Variants in SEPTIN10 observed in about 807,000 individuals in gnomAD.
SEPTIN10 encodes septin-10.
A neutral mutation model predicts 54.8 loss-of-function variants in SEPTIN10; 66 were observed. That is an observed-to-expected ratio of 1.21 (90% CI 0.99 to 1.48). SEPTIN10 has a LOEUF of 1.48. Ranked by LOEUF, SEPTIN10 falls within the 40% of genes most tolerant of loss-of-function variation. The pLI, the probability that SEPTIN10 is intolerant of heterozygous loss-of-function variation, is 0.00. For synonymous variants in SEPTIN10, 161 were observed against 181.0 expected (o/e 0.89, Z 0.89); for missense variants, 620 against 545.6 (o/e 1.14, Z -1.36).
intron 5 of SEPTIN10, among the ~76,000 whole-genome samples, chr2:109,573,909 C>T (rs1297778381): frequency 1.3e-5 from 2 of 152,220 alleles, no homozygotes; most frequent in African/African-American, 2.4e-5. Context: ...ATATCTAATG[C>T]AACATTAGAC....
chr2:109,570,797 C>T (rs1688188042), intron 5 of SEPTIN10, among the ~76,000 whole-genome samples: 1 of 152,124 alleles, frequency 6.6e-6, no homozygotes, highest in South Asian at 2.1e-4. Flanking sequence ...GCTGGGATTA[C>T]AAGCATGGGC....
At chr2:109,558,210 C>A (rs563633297) in intron 8 of SEPTIN10, among the ~76,000 whole-genome samples, 1 of 152,084 alleles carries the variant, frequency 6.6e-6, no homozygotes, top group Non-Finnish European at 1.5e-5. Flanking sequence ...AAGAAAAGTC[C>A]TTTCCTTCAA....
In SEPTIN10 at chr2:109,546,171, T is replaced by C; in HGVS notation, c.1228A>G (p.Arg410Gly). 1 of 1,609,986 alleles carries C rather than the reference T, an allele frequency of 6.2e-7. No homozygotes were observed. The highest frequency in any genetic ancestry group is 8.5e-7 in the Non-Finnish European group (1 of 1,178,568). ...QEERMKLEEK[R>G]RLLEEEIIAF... ...ATTATTTCTTCTTCCAAAAGTCTTC[T>C]CTTTTCTTCAAGCTTCATTCTCTCT... The change falls in exon 10 of 11, where the codon AGA becomes GGA. Residue 410 changes from arginine to glycine, a missense_variant. By Grantham distance (125) the Arg-to-Gly change is moderately radical. Coordinates refer to ENST00000397712, the MANE Select transcript of SEPTIN10 (RefSeq NM_144710.5).
In SEPTIN10 at chr2:109,567,374, T is replaced by C. The variant is rs1015778020; in HGVS notation, c.762+441A>G. On this transcript the variant is annotated intron_variant, in intron 6 of 10. Coordinates refer to ENST00000397712, the MANE Select transcript of SEPTIN10 (RefSeq NM_144710.5). The stretch of plus-strand genomic sequence containing the variant: ...TTCCATTGTACTAAACTAAAAGTTA[T>C]ATGAATGTAACTTGACACTATGAGA... 2.0e-5 allele frequency among the ~76,000 whole-genome samples: 3 copies of C among 152,212 alleles called. 1 individual carries two copies. The South Asian group carries it at 6.2e-4, about 31-fold the overall frequency.
At chr2:109,569,850 AGAG>A (rs1366223829) in intron 5 of SEPTIN10, among the ~76,000 whole-genome samples, 5 of 152,304 alleles carry the variant, frequency 3.3e-5, no homozygotes, top group East Asian at 1.9e-4. Flanking sequence ...CAATGGCGTA[AGAG>A]AAGATAACTT....
At chr2:109,544,349 T>A in intron 10 of SEPTIN10, 25 bp from the exon 11 acceptor site, 1 of 1,564,888 alleles carries the variant, frequency 6.4e-7, no homozygotes, top group Non-Finnish European at 8.6e-7. Flanking sequence ...AACCTTTTGA[T>A]TGGTACAATT....
rs575643592 is a variant in SEPTIN10, at chr2:109,561,560, T to C, written c.1028+2806A>G. On this transcript the variant is annotated intron_variant, in intron 8 of 10. Coordinates refer to ENST00000397712, the MANE Select transcript of SEPTIN10 (RefSeq NM_144710.5). ...TTCACTGCTGACTCCCAAATTACTA[T>C]GGCAGCCCTAACTTCTCCCTAGCTC... Among the ~76,000 whole-genome samples the C allele has an allele frequency of 2.1e-4, 32 of 152,346 alleles. No homozygotes were observed. In the South Asian group the frequency reaches 6.2e-3, roughly 30 times the overall value.
chr2:109,589,297 C>G (rs1221947300), intron 2 of SEPTIN10, among the ~76,000 whole-genome samples: 2 of 152,084 alleles, frequency 1.3e-5, no homozygotes, highest in Non-Finnish European at 2.9e-5. Flanking sequence ...CTTTAGGAGG[C>G]CAAGGCAGGC....
At chr2:109,593,825 G>A (rs1466817173) in intron 1 of SEPTIN10, among the ~76,000 whole-genome samples, 1 of 152,166 alleles carries the variant, frequency 6.6e-6, no homozygotes, top group Non-Finnish European at 1.5e-5. Flanking sequence ...GGTGGGGAAA[G>A]CAGGGATTTT....
At chr2:109,604,965 TCAGC>T (rs925715140) in intron 1 of SEPTIN10, 7 of 151,912 alleles carry the variant, frequency 4.6e-5, no homozygotes, top group African/African-American at 1.7e-4. Context: ...AGGAGAGGAA[TCAGC>T]ACAGGTTTGA....
chr2:109,609,615 CA>C (rs59667245), intron 1 of SEPTIN10, among the ~76,000 whole-genome samples: 57,677 of 97,692 alleles, frequency 0.59, 13,750 homozygotes, highest in African/African-American at 0.69. Flanking sequence ...GACTCCGCCT[CA>C]AAAAAAAAAA....
At position 109,574,767 on chromosome 2, in the gene SEPTIN10, G is replaced by A. The variant is rs1689274566; in HGVS notation, c.414C>T (p.Ser138=). ...CTATGTAGTCAACTATTGGTTGGTA[G>A]CTGAAAAATTATTTAAATGTTTAAT... The part of the protein sequence containing the change: ...GFGDQINKEE[S]YQPIVDYIDA... Residue 138 remains serine, a splice_region_variant and synonymous_variant, in exon 5 of 11, where the codon AGC becomes AGT. Coordinates refer to ENST00000397712, the MANE Select transcript of SEPTIN10 (RefSeq NM_144710.5). 3.8e-6 allele frequency: 6 copies of A among 1,563,716 alleles called. No homozygotes were observed. In the African/African-American group the frequency reaches 4.1e-5, roughly 11 times the overall value.
chr2:109,555,098 C>T (rs953707721), intron 8 of SEPTIN10, among the ~76,000 whole-genome samples: 1 of 152,104 alleles, frequency 6.6e-6, no homozygotes, highest in African/African-American at 2.4e-5. Flanking sequence ...TCTAGTTCCT[C>T]TTTCTTTCAC....
At chr2:109,581,652 T>C (rs1371024099) in intron 4 of SEPTIN10, among the ~76,000 whole-genome samples, 1 of 152,174 alleles carries the variant, frequency 6.6e-6, no homozygotes, top group African/African-American at 2.4e-5. Context: ...CAGAATCGTA[T>C]TTATATACTG....
rs183876877 is a variant in SEPTIN10 at position 109,595,264 on chromosome 2, C to T, written c.31-2145G>A. 5.9e-5 allele frequency among the ~76,000 whole-genome samples: 9 copies of T among 152,304 alleles called. 1 individual carries two copies. Among genetic ancestry groups the T allele is most frequent in the Admixed American group, 3.3e-4 (5 of 15,300 alleles). On this transcript the variant is annotated intron_variant, in intron 1 of 10. Coordinates refer to ENST00000397712, the MANE Select transcript of SEPTIN10 (RefSeq NM_144710.5). ...TGGAAGATGCTCCTATTTAAAAGCA[C>T]GCAAAAGCTCAGTGAGGGACACAAC... is the stretch of plus-strand genomic sequence containing the variant.
Position 109,564,391 on chromosome 2 carries a change from C to T in SEPTIN10, c.1003G>A (p.Val335Met), listed in dbSNP as rs774587897. 6.3e-7 allele frequency: 1 copy of T among 1,582,788 alleles called. No homozygotes were observed. The highest frequency in any genetic ancestry group is 8.6e-7 in the Non-Finnish European group (1 of 1,161,278). ...CKLEEMGFTD[V>M]GPENKPVSVQ... Reference sequence around the variant, plus strand: ...CTGACTGGCTTGTTTTCTGGGCCCACATCTGTAAAGCCCATTTCCTCCAGT... The same window carrying T: ...CTGACTGGCTTGTTTTCTGGGCCCATATCTGTAAAGCCCATTTCCTCCAGT... The change falls in exon 8 of 11, where the codon GTG becomes ATG. Residue 335 changes from valine (V) to methionine (M), a missense_variant. Transcript: ENST00000397712.
chr2:109,599,853 A>G (rs1261929302), intron 1 of SEPTIN10, among the ~76,000 whole-genome samples: 2 of 152,188 alleles, frequency 1.3e-5, no homozygotes, highest in African/African-American at 4.8e-5. Flanking sequence ...TTATAGAAAA[A>G]ATATCATTTC....
chr2:109,588,850 T>TAAAAAAAA (rs59135205), intron 2 of SEPTIN10, among the ~76,000 whole-genome samples: 2 of 111,444 alleles, frequency 1.8e-5, no homozygotes, highest in Non-Finnish European at 3.6e-5. Flanking sequence ...CAATTACTAT[T>TAAAAAAAA]AAAAAAAAAA....
At chr2:109,613,033 T>C (rs990003192) in intron 1 of SEPTIN10, 1 of 532,552 alleles carries the variant, frequency 1.9e-6, no homozygotes, top group Non-Finnish European at 3.4e-6. Context: ...ATGTTTACTA[T>C]CAAAAATTAA....
Sources: gnomAD v4.1 joint callset for allele counts (sites outside exome capture counted in the v4.1 genomes callset) on GRCh38, gnomAD v4.1.1 for gene constraint, MANE v1.5 for transcripts, NCBI Gene and HGNC (gene_info 2026-07-23, HGNC 2026-07-21) for gene names.